Variants in CCDC39 observed in about 807,000 individuals in gnomAD.
The protein encoded by CCDC39 is coiled-coil domain-containing protein 39.
CCDC39 carries 113 observed loss-of-function variants against 121.0 expected under a neutral mutation model. That is an observed-to-expected ratio of 0.93 (90% CI 0.80 to 1.09). CCDC39 has a LOEUF of 1.09. Among genes scored for constraint, CCDC39 ranks in the 50% least tolerant of loss-of-function variants. The pLI is 0.00. For synonymous variants in CCDC39, 349 were observed against 352.2 expected, an observed-to-expected ratio of 0.99 and a Z score of 0.10; for missense variants, 1,063 against 1,074.7, an observed-to-expected ratio of 0.99 and a Z score of 0.15.
At chr3:180,675,150 A>T (rs1283441403) in intron 1 of CCDC39, among the ~76,000 whole-genome samples, 1 of 152,080 alleles carries the variant, frequency 6.6e-6, no homozygotes, top group East Asian at 1.9e-4. Context: ...TATTGCCTCA[A>T]TTTCAGAGCC....
intron 13 of CCDC39, 59 bp downstream of exon 13, chr3:180,641,934 G>C: frequency 7.9e-7 from 1 of 1,263,754 alleles, no homozygotes. Context: ...GGGGCAGCTA[G>C]TTCTCCTGAC....
At position 180,658,268 on chromosome 3, in the gene CCDC39, T is replaced by C. The variant is rs1576948799; in HGVS notation, c.738+1184A>G. Among the ~76,000 whole-genome samples, 3 of 137,318 alleles carry C rather than the reference T, an allele frequency of 2.2e-5. No homozygotes were observed. The South Asian group carries it at 7.1e-4, about 32-fold the overall frequency. The allele number at this position is 137,318 out of a possible 152,430, so 90.1% of individuals were successfully genotyped here. On this transcript the variant is annotated intron_variant, in intron 6 of 19. Coordinates refer to ENST00000476379, the MANE Select transcript of CCDC39 (RefSeq NM_181426.2). ...AAAAAAAGGTAGTATCAGCATTAAT[T>C]AAAAGAACCTCCTTAAAAAAAAAAA...
At position 180,619,209 on chromosome 3, in the gene CCDC39, T is replaced by C. The variant is rs59219887; in HGVS notation, c.2265+50A>G. 8.4e-4 allele frequency: 689 copies of C among 815,668 alleles called. 11 individuals are homozygous for C. In the East Asian group the frequency reaches 0.016, roughly 19 times the overall value. 50.5% of individuals were successfully genotyped at this position (815,668 alleles called of 1,614,324 possible). A position where few individuals can be genotyped will look rare whatever the true frequency, so the allele number is the denominator to read the frequency against. On this transcript the variant is annotated intron_variant, in intron 16 of 19. Transcript: ENST00000476379. ...AAGAGAATAGAAGTAGCAGTAATGA[T>C]AGTTGACTTTTATTGAAGGCATATT...
In CCDC39 at chr3:180,679,443, G is replaced by A. The variant is rs1712332658; in HGVS notation, c.-63C>T. On this transcript the variant is annotated 5_prime_UTR_variant, in exon 1 of 20. Transcript: ENST00000476379. This position sits in a 1 kb window ranked among gnomAD's most constrained non-coding sequence, Gnocchi z 4.0. ...CGCCTTCTTGTACAGCGGGTGAGCA[G>A]CACCCGCGTCAAGCCCAGGCACCTG... 6.8e-7 allele frequency: 1 copy of A among 1,472,350 alleles called. No individual in the cohort carries two copies. Among genetic ancestry groups the A allele is most frequent in the African/African-American group, 1.4e-5 (1 of 71,592 alleles). 91.2% of individuals were successfully genotyped at this position (1,472,350 alleles called of 1,614,324 possible).
intron 13 of CCDC39, among the ~76,000 whole-genome samples, chr3:180,633,966 G>T (rs1033356546): frequency 6.6e-6 from 1 of 152,058 alleles, no homozygotes; most frequent in African/African-American, 2.4e-5. Flanking sequence ...CCTCTGCCAC[G>T]ACCACAGCAG....
chr3:180,618,881 A>G (rs1717347108), intron 16 of CCDC39, among the ~76,000 whole-genome samples: 1 of 152,052 alleles, frequency 6.6e-6, no homozygotes, highest in African/African-American at 2.4e-5. Context: ...TCTTTCAGTG[A>G]TTTGCCTTAG....
At chr3:180,633,474 T>G (rs940791675) in intron 13 of CCDC39, among the ~76,000 whole-genome samples, 1 of 152,146 alleles carries the variant, frequency 6.6e-6, no homozygotes, top group African/African-American at 2.4e-5. Context: ...TAACAGTGCT[T>G]GCAAATAAGT....
chr3:180,654,694 A>T, intron 7 of CCDC39, 68 bp downstream of exon 7: 6 of 972,278 alleles, frequency 6.2e-6, no homozygotes, highest in Non-Finnish European at 7.2e-6. Context: ...GAAAAGCTTT[A>T]TGCTTATTTT....
intron 9 of CCDC39, among the ~76,000 whole-genome samples, chr3:180,649,657 A>T (rs1718151690): frequency 6.6e-6 from 1 of 152,188 alleles, no homozygotes; most frequent in African/African-American, 2.4e-5. Flanking sequence ...TTTTTCAAAC[A>T]AACAAAAACC....
At chr3:180,656,672 A>G (rs879651875) in intron 6 of CCDC39, among the ~76,000 whole-genome samples, 3 of 152,190 alleles carry the variant, frequency 2.0e-5, no homozygotes, top group Non-Finnish European at 4.4e-5. Flanking sequence ...GGCTCAAGAT[A>G]CAGGTCATAA....
intron 9 of CCDC39, among the ~76,000 whole-genome samples, chr3:180,648,900 A>G (rs1321915613): frequency 6.6e-6 from 1 of 152,220 alleles, no homozygotes; most frequent in East Asian, 1.9e-4. Context: ...TGATTCCACT[A>G]AAGGCAGAGT....
At chr3:180,634,255 A>G (rs748796409) in intron 13 of CCDC39, among the ~76,000 whole-genome samples, 31 of 150,440 alleles carry the variant, frequency 2.1e-4, no homozygotes, top group Non-Finnish European at 3.8e-4. Flanking sequence ...CTGGCTCTGC[A>G]GTGGTACTAC....
chr3:180,649,062 T>C (rs1416035177), intron 9 of CCDC39, among the ~76,000 whole-genome samples: 3 of 152,198 alleles, frequency 2.0e-5, no homozygotes, highest in Non-Finnish European at 4.4e-5. Context: ...GCTATTTATT[T>C]AACTATGAGT....
At chr3:180,672,246 A>G (rs1203949209) in intron 1 of CCDC39, among the ~76,000 whole-genome samples, 3 of 152,204 alleles carry the variant, frequency 2.0e-5, no homozygotes, top group Admixed American at 6.5e-5. Flanking sequence ...AACATGGTTT[A>G]CTGAAAATTT....
At chr3:180,646,504 C>T (rs989073132) in intron 11 of CCDC39, among the ~76,000 whole-genome samples, 3 of 151,940 alleles carry the variant, frequency 2.0e-5, no homozygotes, top group Non-Finnish European at 4.4e-5. Flanking sequence ...TAATAAAATG[C>T]CTAAAGATGA....
intron 10 of CCDC39, among the ~76,000 whole-genome samples, chr3:180,647,707 AAATT>A (rs1718105901): frequency 6.6e-6 from 1 of 152,160 alleles, no homozygotes. Context: ...TTAGATGAGA[AAATT>A]AAGATGTAGA....
At chr3:180,628,249 C>T (rs555665243) in intron 14 of CCDC39, among the ~76,000 whole-genome samples, 5 of 152,262 alleles carry the variant, frequency 3.3e-5, no homozygotes, top group African/African-American at 2.4e-5. Flanking sequence ...CTCACTCTGT[C>T]GCCCAGGCTA....
At chr3:180,642,759 TAA>T (rs962463720) in intron 12 of CCDC39, among the ~76,000 whole-genome samples, 2 of 152,184 alleles carry the variant, frequency 1.3e-5, no homozygotes, top group African/African-American at 2.4e-5. Flanking sequence ...TGAAAAATCT[TAA>T]GAGATGAAAT....
chr3:180,628,351 G>A (rs1717613328), intron 14 of CCDC39, among the ~76,000 whole-genome samples: 1 of 152,088 alleles, frequency 6.6e-6, no homozygotes, highest in Admixed American at 6.6e-5. Context: ...GGGACTACAG[G>A]TGCCCACCAC....
Sources: allele counts gnomAD v4.1 joint callset (sites outside exome capture counted in the v4.1 genomes callset), GRCh38; gene constraint gnomAD v4.1.1; non-coding constraint Gnocchi (gnomAD v3.1); transcripts MANE v1.5; gene names NCBI Gene and HGNC (gene_info 2026-07-23, HGNC 2026-07-21).